The following ESR1 variants were observed in gnomAD, a reference collection of about 807,000 sequenced individuals.
ESR1 encodes estrogen receptor.
Under a neutral mutation model 52.7 loss-of-function variants are expected in ESR1, and 12 were observed. That is an observed-to-expected ratio of 0.23 (90% confidence interval 0.15 to 0.37). The LOEUF (loss-of-function observed/expected upper bound fraction) is 0.37. Ranked by LOEUF, ESR1 falls within the 10% of genes least tolerant of loss-of-function variation. The pLI, the probability that ESR1 is intolerant of heterozygous loss-of-function variation, is 1.00. For synonymous variants in ESR1, 305 were observed against 316.8 expected (o/e 0.96, Z 0.39); for missense variants, 584 against 779.7 (o/e 0.75, Z 2.99).
intron 4 of ESR1, among the ~76,000 whole-genome samples, chr6:151,955,837 G>A (rs1347334317): frequency 6.6e-6 from 1 of 152,100 alleles, no homozygotes; most frequent in Admixed American, 6.6e-5. Context: ...ACTAAGCATA[G>A]TACCCAACAG....
At chr6:151,861,450 T>C (rs879627787) in intron 2 of ESR1, among the ~76,000 whole-genome samples, 14 of 152,204 alleles carry the variant, frequency 9.2e-5, no homozygotes, top group Non-Finnish European at 1.5e-4. Flanking sequence ...CCTGTTCTCA[T>C]TTGTAAGCAA....
chr6:151,737,763 A>C (rs939104645), intron 2 of ESR1, among the ~76,000 whole-genome samples: 14 of 152,146 alleles, frequency 9.2e-5, no homozygotes, highest in African/African-American at 3.4e-4. Context: ...AGCATACTAC[A>C]TATATTGTTT....
chr6:152,103,551 T>TATG (rs1318225107), downstream of ESR1, among the ~76,000 whole-genome samples: 1 of 152,214 alleles, frequency 6.6e-6, no homozygotes, highest in African/African-American at 2.4e-5. Flanking sequence ...TTATCAACAA[T>TATG]ATGATGATAA....
At chr6:151,898,509 CA>C (rs1795919065) in intron 3 of ESR1, among the ~76,000 whole-genome samples, 1 of 150,864 alleles carries the variant, frequency 6.6e-6, no homozygotes, top group Non-Finnish European at 1.5e-5. Context: ...AACAAGTGCA[CA>C]AAGGTCTCTG....
intron 4 of ESR1, among the ~76,000 whole-genome samples, chr6:152,002,908 A>ATATC (rs926197793): frequency 1.3e-5 from 2 of 152,068 alleles, no homozygotes; most frequent in African/African-American, 4.8e-5. Flanking sequence ...AAATTTCATA[A>ATATC]TATCTACATA....
At chr6:151,711,003 A>G (rs1001789893) in intron 2 of ESR1, among the ~76,000 whole-genome samples, 1 of 152,212 alleles carries the variant, frequency 6.6e-6, no homozygotes, top group African/African-American at 2.4e-5. Flanking sequence ...TAATGCTGCA[A>G]TAAACATACA....
At chr6:152,081,829 A>C (rs767578938) in intron 6 of ESR1, among the ~76,000 whole-genome samples, 2 of 152,232 alleles carry the variant, frequency 1.3e-5, no homozygotes, top group Non-Finnish European at 2.9e-5. Context: ...AACTACCATC[A>C]GAGAATACTA....
intron 5 of ESR1, among the ~76,000 whole-genome samples, chr6:152,050,761 A>G (rs1046687861): frequency 2.6e-5 from 4 of 152,226 alleles, no homozygotes; most frequent in African/African-American, 7.2e-5. Context: ...TTTGTTCAGA[A>G]TCGTCTGCAG....
chr6:151,766,222 G>C (rs369971446), intron 2 of ESR1, among the ~76,000 whole-genome samples: 1 of 152,152 alleles, frequency 6.6e-6, no homozygotes, highest in African/African-American at 2.4e-5. Flanking sequence ...GACAAGGAAC[G>C]AGGTACTAAG....
intron 6 of ESR1, chr6:152,122,205 G>T: frequency 3.1e-6 from 2 of 641,454 alleles, no homozygotes; most frequent in Non-Finnish European, 2.7e-6. Flanking sequence ...AAGGTTCAGA[G>T]TCTCAAACCA....
chr6:151,911,008 G>A (rs1798173678), intron 3 of ESR1, among the ~76,000 whole-genome samples: 2 of 152,052 alleles, frequency 1.3e-5, no homozygotes, highest in African/African-American at 4.8e-5. Context: ...TTCACATATA[G>A]GGTTTGCGCA....
At chr6:152,063,439 G>C (rs2047706744) in intron 6 of ESR1, among the ~76,000 whole-genome samples, 1 of 152,176 alleles carries the variant, frequency 6.6e-6, no homozygotes, top group South Asian at 2.1e-4. Context: ...CCCTACAAAA[G>C]TGAGCTGTGC....
chr6:151,939,881 A>G (rs921574022), intron 3 of ESR1, among the ~76,000 whole-genome samples: 9 of 152,148 alleles, frequency 5.9e-5, no homozygotes, highest in Admixed American at 2.0e-4. Flanking sequence ...AAAAAAACAA[A>G]ATCTCTGTTT....
chr6:151,733,945 A>G (rs1189051459), intron 2 of ESR1, among the ~76,000 whole-genome samples: 1 of 152,060 alleles, frequency 6.6e-6, no homozygotes, highest in Non-Finnish European at 1.5e-5. Context: ...ATTTTCCTTT[A>G]CAAATTTGGT....
intron 5 of ESR1, among the ~76,000 whole-genome samples, chr6:152,022,191 G>T (rs1375669571): frequency 6.6e-6 from 1 of 152,150 alleles, no homozygotes; most frequent in Admixed American, 6.5e-5. Context: ...CTTAGCCTCT[G>T]AGGAAAGCAG....
At chr6:151,943,922 T>C (rs924447540) in intron 3 of ESR1, among the ~76,000 whole-genome samples, 7 of 152,182 alleles carry the variant, frequency 4.6e-5, no homozygotes, top group Admixed American at 4.6e-4. Flanking sequence ...CTGAAGTTTG[T>C]TATGGTGGTG....
At chr6:152,003,342 GT>G (rs2042100087) in intron 4 of ESR1, among the ~76,000 whole-genome samples, 3 of 104,394 alleles carry the variant, frequency 2.9e-5, no homozygotes, top group African/African-American at 1.4e-4. Flanking sequence ...GGGTAATTAT[GT>G]GTGTGTGTGT....
At chr6:152,118,002 C>CA (rs2051229618) in intron 6 of ESR1, among the ~76,000 whole-genome samples, 2 of 152,214 alleles carry the variant, frequency 1.3e-5, no homozygotes, top group South Asian at 4.1e-4. Flanking sequence ...ATTAACTTCT[C>CA]AGTGTTATAC....
chr6:151,879,314 C>A (rs1057238491), intron 2 of ESR1, among the ~76,000 whole-genome samples: 14 of 152,070 alleles, frequency 9.2e-5, no homozygotes, highest in African/African-American at 2.4e-4. Flanking sequence ...TTTGGCAACG[C>A]GATTCATTGG....
Sources: gnomAD v4.1 joint callset for allele counts (sites outside exome capture counted in the v4.1 genomes callset) on GRCh38, gnomAD v4.1.1 for gene constraint, MANE v1.5 for transcripts, NCBI Gene and HGNC (gene_info 2026-07-23, HGNC 2026-07-21) for gene names.